N4BP2L2: variants seen among roughly 807,000 people sequenced by gnomAD.
N4BP2L2 encodes NEDD4-binding protein 2-like 2.
Under a neutral mutation model 56.2 loss-of-function variants are expected in N4BP2L2, and 50 were observed. That is an observed-to-expected ratio of 0.89 (90% CI 0.71 to 1.13). The LOEUF is 1.13. Ranked by LOEUF, N4BP2L2 falls within the 50% of genes most tolerant of loss-of-function variation. The pLI is 0.00. For synonymous variants in N4BP2L2, 203 were observed against 223.6 expected (o/e 0.91, Z 0.82); for missense variants, 689 against 693.8 (o/e 0.99, Z 0.08).
At chr13:32,445,072 A>C (rs2076846105) in intron 6 of N4BP2L2, among the ~76,000 whole-genome samples, 1 of 152,196 alleles carries the variant, frequency 6.6e-6, no homozygotes, top group Admixed American at 6.5e-5. Context: ...AACGTGGCGA[A>C]ACCCTGTCTC....
At chr13:32,490,596 C>T (rs931018024) in intron 6 of N4BP2L2, among the ~76,000 whole-genome samples, 2 of 152,206 alleles carry the variant, frequency 1.3e-5, no homozygotes, top group East Asian at 1.9e-4. Flanking sequence ...TGAGCCACTG[C>T]GCCTGGCCGA....
chr13:32,481,147 A>AAAC (rs148970353), intron 6 of N4BP2L2, among the ~76,000 whole-genome samples: 13 of 149,836 alleles, frequency 8.7e-5, no homozygotes, highest in Non-Finnish European at 1.6e-4. Context: ...AAAAAAAAAA[A>AAAC]AGGATTGCAC....
chr13:32,475,631 A>G (rs1461073881), intron 6 of N4BP2L2, among the ~76,000 whole-genome samples: 6 of 152,178 alleles, frequency 3.9e-5, no homozygotes, highest in African/African-American at 1.4e-4. Flanking sequence ...CACGTGGCTG[A>G]CAAACAGAAG....
intron 6 of N4BP2L2, chr13:32,446,545 T>C (rs1288801337): frequency 1.6e-6 from 2 of 1,287,756 alleles, no homozygotes; most frequent in Non-Finnish European, 2.0e-6. Context: ...TTCGATTAAA[T>C]GGTAAAATAC....
intron 6 of N4BP2L2, among the ~76,000 whole-genome samples, chr13:32,456,021 G>C (rs1336148619): frequency 6.6e-6 from 1 of 152,164 alleles, no homozygotes; most frequent in East Asian, 1.9e-4. Flanking sequence ...CCCCCTACCT[G>C]GTTCACTGCT....
In N4BP2L2 at chr13:32,532,590, CTTTTTTT is replaced by C. The variant is rs759146834; in HGVS notation, c.1259+3172_1259+3178del. 6.3e-3 allele frequency among the ~76,000 whole-genome samples: 808 copies of C among 128,412 alleles called. 8 individuals are homozygous for C. The highest frequency in any genetic ancestry group is 0.021 in the African/African-American group (715 of 34,388). The allele number at this position is 128,412 out of a possible 152,430, so 84.2% of individuals were successfully genotyped here. A position where few individuals can be genotyped will look rare whatever the true frequency, so the allele number is the denominator to read the frequency against. The stretch of plus-strand genomic sequence containing the variant: ...GTTTCTGGATTCTCTTTTCTTTTTT[CTTTTTTT>C]TTTTTTTTTTTAAGACAGAGTCTTG... On this transcript the variant is annotated intron_variant, in intron 2 of 5. Transcript: ENST00000267068.
Position 32,438,698 on chromosome 13 carries a change from C to T in N4BP2L2, c.2144G>A (p.Trp715Ter). ...CAAGTAGATCATCTTTAGTGTCTTCCAGTCAAGGGGAACCACATAGTCATC... is the reference window on the plus strand; with the variant it reads ...CAAGTAGATCATCTTTAGTGTCTTCTAGTCAAGGGGAACCACATAGTCATC... The change falls in exon 8 of 10, where the codon TGG becomes TAG. Residue 715 changes from tryptophan to a stop codon, truncating the protein, a stop_gained. Coordinates refer to the N4BP2L2 transcript ENST00000357505. LOFTEE classifies it high-confidence loss of function. The T allele has an allele frequency of 6.2e-7, 1 of 1,611,056 alleles. No individual in the cohort carries two copies.
At chr13:32,501,010 A>C (rs2139557948) in intron 6 of N4BP2L2, among the ~76,000 whole-genome samples, 1 of 152,042 alleles carries the variant, frequency 6.6e-6, no homozygotes, top group African/African-American at 2.4e-5. Flanking sequence ...CTGGGATTAC[A>C]GGCATGCATC....
rs539698555 is a variant in N4BP2L2, at chr13:32,536,592, G to T, written c.436C>A (p.Leu146Ile). The stretch of plus-strand genomic sequence containing the variant: ...CCTCCTCTGTCATTTATACCATTTA[G>T]AACATGTGCCTCATTCCTCCCTTCA... The change falls in exon 2 of 6, where the codon CTA (leucine) becomes ATA (isoleucine). Residue 146 changes from leucine to isoleucine, a missense_variant. Leu to Ile is a conservative substitution (Grantham distance 5, BLOSUM62 2). Coordinates refer to ENST00000267068, the Ensembl canonical transcript of N4BP2L2. The T allele has an allele frequency of 8.7e-6, 14 of 1,613,708 alleles. No individual in the cohort carries two copies. In the South Asian group the frequency reaches 1.5e-4, roughly 18 times the overall value.
intron 6 of N4BP2L2, among the ~76,000 whole-genome samples, chr13:32,458,178 C>T (rs2079320975): frequency 1.3e-5 from 2 of 152,174 alleles, no homozygotes; most frequent in Admixed American, 6.5e-5. Flanking sequence ...CATTCTCCTG[C>T]CTCAGTCTCC....
intron 6 of N4BP2L2, among the ~76,000 whole-genome samples, chr13:32,482,770 A>C (rs2085040183): frequency 6.6e-6 from 1 of 152,194 alleles, no homozygotes; most frequent in Non-Finnish European, 1.5e-5. Context: ...AAGATTACAA[A>C]ACTAAGACAC....
chr13:32,436,596 C>T (rs891000558), intron 8 of N4BP2L2, among the ~76,000 whole-genome samples: 3 of 151,424 alleles, frequency 2.0e-5, no homozygotes, highest in Non-Finnish European at 2.9e-5. Context: ...TTGAGAACAG[C>T]GTGGCCAACA....
intron 6 of N4BP2L2, among the ~76,000 whole-genome samples, chr13:32,452,587 C>T (rs1160121187): frequency 1.3e-5 from 2 of 152,230 alleles, no homozygotes; most frequent in East Asian, 1.9e-4. Context: ...TATAATTAAC[C>T]ACATCAGCAG....
intron 6 of N4BP2L2, among the ~76,000 whole-genome samples, chr13:32,471,882 G>A (rs2082369822): frequency 6.6e-6 from 1 of 152,212 alleles, no homozygotes; most frequent in South Asian, 2.1e-4. Flanking sequence ...GCATAGGCTG[G>A]AAACTGACAC....
chr13:32,531,363 A>C (rs549541952), intron 2 of N4BP2L2, among the ~76,000 whole-genome samples: 1 of 152,284 alleles, frequency 6.6e-6, no homozygotes, highest in East Asian at 1.9e-4. Flanking sequence ...AAACCAAGAG[A>C]ATCTGTTCCC....
exon 6 of N4BP2L2, chr13:32,517,789 GA>G: frequency 6.2e-7 from 1 of 1,611,780 alleles, no homozygotes; most frequent in Non-Finnish European, 8.5e-7. Flanking sequence ...TGTGTTAGCT[GA>G]AAATAGCTAA....
chr13:32,441,419 C>T (rs1297449130), intron 7 of N4BP2L2, among the ~76,000 whole-genome samples: 1 of 152,156 alleles, frequency 6.6e-6, no homozygotes, highest in East Asian at 1.9e-4. Flanking sequence ...CCTGGTGGTT[C>T]AGGCCTGTAA....
exon 10 of N4BP2L2, chr13:32,432,850 C>A (rs916054722): frequency 6.6e-6 from 1 of 152,032 alleles, no homozygotes; most frequent in African/African-American, 2.4e-5. Context: ...ACAGATTATC[C>A]AAACTAATTT....
At chr13:32,458,774 C>G (rs902922684) in intron 6 of N4BP2L2, among the ~76,000 whole-genome samples, 1 of 152,194 alleles carries the variant, frequency 6.6e-6, no homozygotes, top group Non-Finnish European at 1.5e-5. Context: ...TTAAACTGCA[C>G]TTTAGACCAA....
Sources: gnomAD v4.1 joint callset for allele counts (sites outside exome capture counted in the v4.1 genomes callset) on GRCh38, gnomAD v4.1.1 for gene constraint, MANE v1.5 for transcripts, NCBI Gene and HGNC (gene_info 2026-07-23, HGNC 2026-07-21) for gene names.